Variants in GRAMD2B observed in about 807,000 individuals in gnomAD.
GRAMD2B encodes GRAM domain-containing protein 2B.
Under a neutral mutation model 59.2 loss-of-function variants are expected in GRAMD2B, and 41 were observed. The ratio of observed to expected loss-of-function variants is 0.69; its 90% CI spans 0.54 to 0.90. The LOEUF is 0.90. Among genes scored for constraint, GRAMD2B ranks in the 40% least tolerant of loss-of-function variants. GRAMD2B has a pLI of 0.00. For missense variants in GRAMD2B, 424 were observed against 500.5 expected, an observed-to-expected ratio of 0.85 and a Z score of 1.46; for synonymous variants, 161 against 182.7, an observed-to-expected ratio of 0.88 and a Z score of 0.96.
chr5:126,407,887 C>G (rs970382451), intron 1 of GRAMD2B, among the ~76,000 whole-genome samples: 1 of 151,914 alleles, frequency 6.6e-6, no homozygotes, highest in Non-Finnish European at 1.5e-5. Context: ...TATATTATCT[C>G]TTTATATTCC....
intron 1 of GRAMD2B, among the ~76,000 whole-genome samples, chr5:126,391,660 A>G (rs1166093226): frequency 6.6e-6 from 1 of 152,220 alleles, no homozygotes; most frequent in Non-Finnish European, 1.5e-5. Context: ...GAAAGAAGCT[A>G]GTCATAAAAG....
At chr5:126,367,736 C>A (rs916634496), upstream of GRAMD2B, among the ~76,000 whole-genome samples, 7 of 152,044 alleles carry the variant, frequency 4.6e-5, no homozygotes, top group African/African-American at 1.7e-4. Flanking sequence ...ACTAGAGCTT[C>A]AGAAGATTTT....
chr5:126,473,140 A>T (rs1308887739), intron 4 of GRAMD2B, 125 bp from the exon 5 acceptor site: 1 of 410,276 alleles, frequency 2.4e-6, no homozygotes, highest in Non-Finnish European at 4.5e-6. Flanking sequence ...ACAGAAGAAG[A>T]GGTAATAAAA....
intron 1 of GRAMD2B, among the ~76,000 whole-genome samples, chr5:126,374,881 C>T (rs534627653): frequency 6.6e-6 from 1 of 152,340 alleles, no homozygotes; most frequent in South Asian, 2.1e-4. Context: ...ACTCCTTACC[C>T]AGTTCAGAAG....
chr5:126,470,503 GT>G (rs1561575835), intron 3 of GRAMD2B, among the ~76,000 whole-genome samples: 1 of 152,042 alleles, frequency 6.6e-6, no homozygotes, highest in East Asian at 1.9e-4. Context: ...TTATAAAGGT[GT>G]TTTTTTCCTC....
At chr5:126,378,705 A>C (rs1440953527) in intron 1 of GRAMD2B, among the ~76,000 whole-genome samples, 4 of 152,058 alleles carry the variant, frequency 2.6e-5, no homozygotes, top group Admixed American at 2.0e-4. Context: ...AGCGGAATGA[A>C]CTCCCAACAG....
At chr5:126,441,208 T>C (rs866403608) in intron 1 of GRAMD2B, among the ~76,000 whole-genome samples, 8 of 152,234 alleles carry the variant, frequency 5.3e-5, no homozygotes, top group South Asian at 2.1e-4. Context: ...AGGAGATAGA[T>C]ACCTTTTAGA....
intron 1 of GRAMD2B, among the ~76,000 whole-genome samples, chr5:126,425,498 G>A (rs1467098416): frequency 2.0e-5 from 3 of 152,224 alleles, no homozygotes; most frequent in Non-Finnish European, 4.4e-5. Flanking sequence ...CAGGGACTGT[G>A]GCTCATGCCC....
intron 1 of GRAMD2B, chr5:126,434,065 T>G (rs1318441632): frequency 6.6e-6 from 1 of 152,230 alleles, no homozygotes; most frequent in Admixed American, 6.5e-5. Flanking sequence ...CACTCTGGAT[T>G]AGATCATTTT....
At chr5:126,373,594 ATTTAG>A (rs1245196111) in intron 1 of GRAMD2B, among the ~76,000 whole-genome samples, 1 of 152,230 alleles carries the variant, frequency 6.6e-6, no homozygotes, top group Non-Finnish European at 1.5e-5. Context: ...TCTCATGGAG[ATTTAG>A]TTTAATGTTT....
At chr5:126,460,207 GCA>G (rs1411319562) in intron 1 of GRAMD2B, among the ~76,000 whole-genome samples, 8 of 152,202 alleles carry the variant, frequency 5.3e-5, no homozygotes, top group African/African-American at 1.7e-4. Context: ...GTTTACATAC[GCA>G]CAGTCTCTCC....
intron 1 of GRAMD2B, among the ~76,000 whole-genome samples, chr5:126,400,226 A>G (rs1455592975): frequency 6.6e-6 from 1 of 152,106 alleles, no homozygotes; most frequent in East Asian, 1.9e-4. Context: ...ATAGAAGAAA[A>G]AATAGATTTT....
chr5:126,422,133 C>G (rs938126299), upstream of GRAMD2B, among the ~76,000 whole-genome samples: 2 of 152,028 alleles, frequency 1.3e-5, no homozygotes, highest in Non-Finnish European at 2.9e-5. Context: ...CAGCCCAGAA[C>G]AGCTGTGAAT....
At chr5:126,410,398 C>A (rs1222283437) in intron 1 of GRAMD2B, among the ~76,000 whole-genome samples, 2 of 151,534 alleles carry the variant, frequency 1.3e-5, no homozygotes, top group East Asian at 3.9e-4. Context: ...TTGAAGAGGT[C>A]CTTCACGTCC....
Position 126,448,397 on chromosome 5 carries a change from C to T in GRAMD2B, c.84-17029C>T, listed in dbSNP as rs553551502. Among the ~76,000 whole-genome samples, 6 of 151,758 alleles carry T rather than the reference C, an allele frequency of 4.0e-5. 1 individual carries two copies. Among genetic ancestry groups the T allele is most frequent in the African/African-American group, 9.7e-5 (4 of 41,352 alleles). On this transcript the variant is annotated intron_variant, in intron 1 of 13. Transcript: ENST00000285689. ...AGGAGGGTGCTTGGGGGCAGCATGA[C>T]AAGAGGTTCAAAGCCAGAAAGGGAG...
intron 1 of GRAMD2B, among the ~76,000 whole-genome samples, chr5:126,398,405 G>T (rs999729816): frequency 2.6e-5 from 4 of 151,824 alleles, no homozygotes. Context: ...CCAGTTTTTT[G>T]GCATATGATC....
intron 1 of GRAMD2B, among the ~76,000 whole-genome samples, chr5:126,448,841 T>G (rs1764815994): frequency 6.6e-6 from 1 of 152,202 alleles, no homozygotes; most frequent in South Asian, 2.1e-4. Flanking sequence ...CTCATCTTTG[T>G]TTCCTTATTT....
intron 1 of GRAMD2B, among the ~76,000 whole-genome samples, chr5:126,364,291 G>A (rs1754345043): frequency 6.6e-6 from 1 of 152,164 alleles, no homozygotes; most frequent in Admixed American, 6.5e-5. Flanking sequence ...AACAAAGTAT[G>A]TACTGAGTCT....
At chr5:126,465,690 C>G in intron 2 of GRAMD2B, 145 bp downstream of exon 2, 1 of 730,396 alleles carries the variant, frequency 1.4e-6, no homozygotes. Context: ...GCATTTTTCC[C>G]TGATACCCAG....
Sources: gnomAD v4.1 joint callset for allele counts (sites outside exome capture counted in the v4.1 genomes callset) on GRCh38, gnomAD v4.1.1 for gene constraint, MANE v1.5 for transcripts, NCBI Gene and HGNC (gene_info 2026-07-23, HGNC 2026-07-21) for gene names.